The following OCA2 variants were observed in gnomAD, a reference collection of about 807,000 sequenced individuals.
OCA2 encodes OCA2 melanosomal transmembrane protein, also known as P protein.
In OCA2, 77 loss-of-function variants were observed where a neutral mutation model predicts 100.2. That is an observed-to-expected ratio of 0.77 (90% CI 0.64 to 0.93). The LOEUF is 0.93. Ranked by LOEUF, OCA2 falls within the 40% of genes least tolerant of loss-of-function variation. OCA2 has a pLI of 0.00. For synonymous variants in OCA2, 432 were observed against 439.2 expected, an observed-to-expected ratio of 0.98 and a Z score of 0.21; for missense variants, 1,062 against 1,089.1, an observed-to-expected ratio of 0.98 and a Z score of 0.35.
At chr15:27,721,611 A>G in the OCA2 span, among the ~76,000 whole-genome samples, 2 of 152,224 alleles carry the variant, frequency 1.3e-5, no homozygotes, top group Non-Finnish European at 2.9e-5. Flanking sequence ...AACTGGATAG[A>G]AATTAAAGTA....
rs1222708743 is a variant in OCA2 at position 27,853,466 on chromosome 15, T to C, written c.2245-1991A>G. Among the ~76,000 whole-genome samples the C allele has an allele frequency of 2.0e-5, 3 of 148,152 alleles. No homozygotes were observed. The East Asian group carries it at 6.1e-4, about 30-fold the overall frequency. The stretch of plus-strand genomic sequence containing the variant: ...GAGGGATAGCATTGGGAGATATACC[T>C]AATGCTAAATGACGAGTTAATGGGT... On this transcript the variant is annotated intron_variant, in intron 21 of 23. Transcript: ENST00000354638.
chr15:27,896,010 T>G (rs1446330911), intron 19 of OCA2: 7 of 990,266 alleles, frequency 7.1e-6, no homozygotes, highest in Non-Finnish European at 1.1e-5. Context: ...TGTACTGGCC[T>G]GCAGGCTTCT....
At chr15:27,901,976 C>T (rs941657826) in intron 19 of OCA2, among the ~76,000 whole-genome samples, 3 of 152,140 alleles carry the variant, frequency 2.0e-5, no homozygotes, top group South Asian at 4.2e-4. Flanking sequence ...CCAGAAGGGT[C>T]CTGGCAGGGG....
rs1448806170 is a variant in OCA2, at chr15:27,957,972, G to T, written c.1637-237C>A. Among the ~76,000 whole-genome samples the T allele has an allele frequency of 3.3e-5, 5 of 152,150 alleles. No individual in the cohort carries two copies. The highest frequency in any genetic ancestry group is 7.3e-5 in the Non-Finnish European group (5 of 68,030). ...AAGGACAAAAAACCAAACACCACAT[G>T]TTCTCACTCATAGGTGGGAATTGAA... On this transcript the variant is annotated intron_variant, in intron 15 of 23. Transcript: ENST00000354638. The surrounding 1 kb of genome is among the most constrained non-coding windows in gnomAD (Gnocchi z 4.3).
At chr15:27,941,284 C>T (rs2039636856) in intron 18 of OCA2, among the ~76,000 whole-genome samples, 1 of 152,176 alleles carries the variant, frequency 6.6e-6, no homozygotes, top group Non-Finnish European at 1.5e-5. Context: ...ATATCTAACA[C>T]CTTACTCTCC....
chr15:27,913,907 G>GAA (rs2038554841), intron 19 of OCA2, among the ~76,000 whole-genome samples: 1 of 42,432 alleles, frequency 2.4e-5, no homozygotes, highest in African/African-American at 1.1e-4. Flanking sequence ...AAGCAAGCAA[G>GAA]CAAGCAAGCA....
downstream of OCA2, among the ~76,000 whole-genome samples, chr15:27,754,643 A>G (rs2030201908): frequency 6.6e-6 from 1 of 152,218 alleles, no homozygotes; most frequent in Non-Finnish European, 1.5e-5. Flanking sequence ...CAGGGAGAGC[A>G]GGACTGAGGG....
At chr15:27,834,899 C>T (rs1335432832) in intron 23 of OCA2, among the ~76,000 whole-genome samples, 1 of 152,182 alleles carries the variant, frequency 6.6e-6, no homozygotes, top group Admixed American at 6.5e-5. Context: ...GATAAGTGAA[C>T]CACAAGCTAA....
chr15:27,905,509 A>G (rs540352190), intron 19 of OCA2, among the ~76,000 whole-genome samples: 1 of 152,324 alleles, frequency 6.6e-6, no homozygotes, highest in African/African-American at 2.4e-5. Flanking sequence ...GCCAGGGGGA[A>G]CTGGGCCCTG....
intron 2 of OCA2, among the ~76,000 whole-genome samples, chr15:28,079,590 G>A (rs1423874620): frequency 6.6e-6 from 1 of 152,116 alleles, no homozygotes; most frequent in South Asian, 2.1e-4. Context: ...TCCTCATGGT[G>A]CTGAGAGCTG....
chr15:27,807,235 G>C (rs2033894039), intron 23 of OCA2, among the ~76,000 whole-genome samples: 2 of 152,010 alleles, frequency 1.3e-5, no homozygotes, highest in South Asian at 4.1e-4. Context: ...CTTCTCACTG[G>C]TCTCCCCACT....
chr15:27,755,602 C>T lies in OCA2; in HGVS notation c.2433-130G>A, dbSNP rs991591068. On this transcript the variant is annotated intron_variant, in intron 23 of 23. Transcript: ENST00000354638. ...CACAATGGCCACTACCTTTTATTTC[C>T]ATAAATCAGGAAGTTAGTTTTAGAC... The T allele has an allele frequency of 1.2e-5, 9 of 722,892 alleles. No individual in the cohort carries two copies. The Admixed American group carries it at 1.4e-4, about 11-fold the overall frequency. The allele number at this position is 722,892 out of a possible 1,614,324, so 44.8% of individuals were successfully genotyped here. A position where few individuals can be genotyped will look rare whatever the true frequency, so the allele number is the denominator to read the frequency against.
intron 19 of OCA2, among the ~76,000 whole-genome samples, chr15:27,913,838 G>A (rs959318884): frequency 3.8e-4 from 14 of 37,020 alleles, no homozygotes; most frequent in African/African-American, 7.8e-4. Context: ...AAGAAAGAAA[G>A]GAAAGAAAGA....
intron 23 of OCA2, among the ~76,000 whole-genome samples, chr15:27,788,596 C>T (rs538778546): frequency 1.3e-5 from 2 of 152,114 alleles, no homozygotes; most frequent in African/African-American, 4.8e-5. Flanking sequence ...TAGTCTAAAC[C>T]TGAATCTGGA....
At chr15:27,768,054 C>T (rs756580991) in intron 23 of OCA2, among the ~76,000 whole-genome samples, 21 of 152,204 alleles carry the variant, frequency 1.4e-4, no homozygotes, top group South Asian at 8.3e-4. Flanking sequence ...CAGCTGAAAG[C>T]GGTTGGAAAG....
At chr15:27,941,840 A>C (rs2039659428) in intron 18 of OCA2, among the ~76,000 whole-genome samples, 1 of 152,234 alleles carries the variant, frequency 6.6e-6, no homozygotes, top group African/African-American at 2.4e-5. Context: ...AAACAGATGG[A>C]AAAAACAAGT....
At chr15:27,832,551 T>G (rs1273395334) in intron 23 of OCA2, among the ~76,000 whole-genome samples, 2 of 152,202 alleles carry the variant, frequency 1.3e-5, no homozygotes, top group Non-Finnish European at 2.9e-5. Flanking sequence ...ACAGCTCACC[T>G]GCTCAGGGCT....
chr15:27,825,019 T>C (rs1317348326), intron 23 of OCA2, among the ~76,000 whole-genome samples: 2 of 152,248 alleles, frequency 1.3e-5, no homozygotes, highest in African/African-American at 2.4e-5. Flanking sequence ...TTAGCAGTTT[T>C]AATTAAGGTC....
At chr15:28,052,293 C>T (rs1002043202) in intron 2 of OCA2, among the ~76,000 whole-genome samples, 1 of 152,158 alleles carries the variant, frequency 6.6e-6, no homozygotes, top group African/African-American at 2.4e-5. Context: ...GAATTATGCA[C>T]CAGATGGACC....
Sources: allele counts gnomAD v4.1 joint callset (sites outside exome capture counted in the v4.1 genomes callset), GRCh38; gene constraint gnomAD v4.1.1; non-coding constraint Gnocchi (gnomAD v3.1); transcripts MANE v1.5; gene names NCBI Gene and HGNC (gene_info 2026-07-23, HGNC 2026-07-21).